Variants in STYXL1 observed in about 807,000 individuals in gnomAD.
STYXL1 encodes serine/threonine/tyrosine interacting like 1, also known as serine/threonine/tyrosine-interacting-like protein 1.
In STYXL1, 32 loss-of-function variants were observed where a neutral mutation model predicts 36.4. The observed-to-expected ratio is 0.88, with a 90% CI of 0.66 to 1.18. The LOEUF (loss-of-function observed/expected upper bound fraction) is 1.18. Ranked by LOEUF, STYXL1 falls within the 50% of genes most tolerant of loss-of-function variation. The probability of loss-of-function intolerance (pLI) is 0.00; values close to 1 mark genes in which losing one functional copy is unlikely to be tolerated. For synonymous variants in STYXL1, 133 were observed against 144.1 expected (o/e 0.92, Z 0.55); for missense variants, 354 against 394.1 (o/e 0.90, Z 0.86).
At chr7:76,004,798 G>A (rs1262940981) in intron 6 of STYXL1, among the ~76,000 whole-genome samples, 3 of 151,988 alleles carry the variant, frequency 2.0e-5, no homozygotes, top group African/African-American at 4.8e-5. Flanking sequence ...TCAGGTGATC[G>A]AGACCATCCT....
chr7:76,024,226 G>C (rs1055578759), intron 3 of STYXL1, among the ~76,000 whole-genome samples: 1 of 152,122 alleles, frequency 6.6e-6, no homozygotes, highest in Admixed American at 6.6e-5. Context: ...TTTGAGCAGA[G>C]AGAGGAGACG....
At chr7:76,021,333 G>A (rs868969703) in intron 4 of STYXL1, among the ~76,000 whole-genome samples, 8 of 151,920 alleles carry the variant, frequency 5.3e-5, no homozygotes, top group East Asian at 1.9e-4. Flanking sequence ...CGCCCGCCTC[G>A]GCCTCCCAAA....
At chr7:76,028,084 G>C (rs563052875) in intron 3 of STYXL1, among the ~76,000 whole-genome samples, 1 of 152,258 alleles carries the variant, frequency 6.6e-6, no homozygotes, top group East Asian at 1.9e-4. Context: ...GCCCAGGCTA[G>C]AGTACAGTGG....
chr7:76,010,765 T>A (rs1554571986), intron 5 of STYXL1, among the ~76,000 whole-genome samples: 1 of 151,928 alleles, frequency 6.6e-6, no homozygotes, highest in African/African-American at 2.4e-5. Flanking sequence ...CTAACCCCCA[T>A]CCCTCCCTAC....
chr7:76,028,957 C>G (rs148003391), intron 2 of STYXL1, among the ~76,000 whole-genome samples: 1 of 151,954 alleles, frequency 6.6e-6, no homozygotes, highest in Admixed American at 6.6e-5. Context: ...AATCCCATCT[C>G]TACTAAAAAT....
chr7:76,019,927 CAA>C lies in STYXL1; in HGVS notation c.307+1922_307+1923del, dbSNP rs58018497. Among the ~76,000 whole-genome samples, 657 of 82,256 alleles carry C rather than the reference CAA, an allele frequency of 8.0e-3. 4 individuals are homozygous for C. Among genetic ancestry groups the C allele is most frequent in the African/African-American group, 0.019 (548 of 28,328 alleles). 54.0% of individuals were successfully genotyped at this position (82,256 alleles called of 152,430 possible). On this transcript the variant is annotated intron_variant, in intron 4 of 8. Coordinates refer to ENST00000359697, the MANE Select transcript of STYXL1 (RefSeq NM_001317785.2). ...TGGGCAACAAAGCGAGACCCTGACT[CAA>C]AAAAAAAAAAAAAAAAAGAAAGAAG... is the stretch of plus-strand genomic sequence containing the variant.
At chr7:76,003,937 G>A in intron 6 of STYXL1, 82 bp from the exon 7 acceptor site, 1 of 1,272,184 alleles carries the variant, frequency 7.9e-7, no homozygotes, top group South Asian at 1.2e-5. Flanking sequence ...CACAGCAGAA[G>A]GGCCACAGGG....
chr7:76,035,958 G>A (rs879998203), intron 1 of STYXL1, among the ~76,000 whole-genome samples: 3 of 149,830 alleles, frequency 2.0e-5, no homozygotes, highest in South Asian at 2.2e-4. Context: ...GGATGAGATC[G>A]GTCCCTGAAC....
chr7:76,010,881 C>A (rs1382160415), intron 5 of STYXL1, among the ~76,000 whole-genome samples: 2 of 152,158 alleles, frequency 1.3e-5, no homozygotes, highest in South Asian at 2.1e-4. Flanking sequence ...CTAGCTTCTA[C>A]TAGACTGTCT....
intron 5 of STYXL1, among the ~76,000 whole-genome samples, chr7:76,012,373 T>C (rs548802969): frequency 6.6e-6 from 1 of 152,158 alleles, no homozygotes; most frequent in Admixed American, 6.6e-5. Context: ...CCTCCTGGGC[T>C]CAAGCAATCC....
rs781861859 is a variant in STYXL1, at chr7:76,003,858, A to G, written c.600-3T>C. The G allele has an allele frequency of 2.5e-6, 4 of 1,613,874 alleles. No individual in the cohort carries two copies. Among genetic ancestry groups the G allele is most frequent in the Non-Finnish European group, 3.4e-6 (4 of 1,179,916 alleles). On this transcript the variant is annotated splice_polypyrimidine_tract_variant and splice_region_variant and intron_variant, in intron 6 of 8. Transcript: ENST00000359697. ...GCTTGTCAGCATCGCCTGCAAAACT[A>G]CACGGAAGGACCACACAGGTCATCA...
chr7:75,996,548 C>A lies in STYXL1; in HGVS notation c.862G>T (p.Gly288Ter). The A allele has an allele frequency of 1.2e-6, 2 of 1,614,212 alleles. No individual in the cohort carries two copies. The highest frequency in any genetic ancestry group is 1.7e-6 in the Non-Finnish European group (2 of 1,180,042). ...KCKNNMCPNR[G>*]LVSQLLEWEK... ...CATTCCAGCAGCTGGCTCACCAATCCCCGATTTGGACACATGTTGTTTTTG... is the reference window on the plus strand; with the variant it reads ...CATTCCAGCAGCTGGCTCACCAATCACCGATTTGGACACATGTTGTTTTTG... The change falls in exon 9 of 9, where the codon GGA becomes TGA. Residue 288 changes from glycine (G) to a stop codon, truncating the protein, a stop_gained. Coordinates refer to ENST00000359697, the MANE Select transcript of STYXL1 (RefSeq NM_001317785.2). LOFTEE classifies it high-confidence loss of function.
chr7:76,000,926 T>A lies in STYXL1; in HGVS notation c.774A>T (p.Ile258=). ...GCTCGTTACTATGCATGAGGTAGGC[T>A]ATGATGGCGGCACAACTGCGGCTGA... ...QGISRSCAAI[I]AYLMHSNEQT... The change falls in exon 8 of 9, where the codon ATA becomes ATT. Residue 258 remains isoleucine, a synonymous_variant. Transcript: ENST00000359697. The A allele has an allele frequency of 6.2e-7, 1 of 1,614,152 alleles. No homozygotes were observed. The highest frequency in any genetic ancestry group is 1.1e-5 in the South Asian group (1 of 91,088).
chr7:76,005,071 GACGAGTTAATGGGTGCAGCAC>G (rs199718195), intron 6 of STYXL1, among the ~76,000 whole-genome samples, 167 bp downstream of exon 6: 2,286 of 152,074 alleles, frequency 0.015, 28 homozygotes, highest in Non-Finnish European at 0.025. Context: ...AATGCTAAAT[GACGAGTTAATGGGTGCAGCAC>G]ACCAACATGG....
intron 5 of STYXL1, among the ~76,000 whole-genome samples, chr7:76,011,876 A>G (rs951668326): frequency 6.6e-6 from 1 of 152,178 alleles, no homozygotes; most frequent in African/African-American, 2.4e-5. Context: ...TGCCTCCCCT[A>G]CAGACAGGAC....
At chr7:76,023,695 C>G (rs1456683018) in intron 3 of STYXL1, among the ~76,000 whole-genome samples, 1 of 151,938 alleles carries the variant, frequency 6.6e-6, no homozygotes, top group Non-Finnish European at 1.5e-5. Context: ...TCACTGCGCT[C>G]CAGCCTGGGT....
At position 76,031,092 on chromosome 7, in the gene STYXL1, C is replaced by T. The variant is rs940228280; in HGVS notation, c.-4-565G>A. Among the ~76,000 whole-genome samples, 4 of 151,314 alleles carry T rather than the reference C, an allele frequency of 2.6e-5. No individual in the cohort carries two copies. The East Asian group carries it at 7.8e-4, about 29-fold the overall frequency. On this transcript the variant is annotated intron_variant, in intron 1 of 8. Coordinates refer to ENST00000359697, the MANE Select transcript of STYXL1 (RefSeq NM_001317785.2). Reference sequence around the variant, plus strand: ...AGGAGAGTCGCTTGAACCCAGGAGGCGGAGGCTGCAGTGAGCTGAAATCAT... The same window carrying T: ...AGGAGAGTCGCTTGAACCCAGGAGGTGGAGGCTGCAGTGAGCTGAAATCAT...
At chr7:76,046,274 C>CTGTGTGTGTGTGTGTGTGTGTGTG (rs782245806) in intron 1 of STYXL1, among the ~76,000 whole-genome samples, 1 of 103,164 alleles carries the variant, frequency 9.7e-6, no homozygotes, top group African/African-American at 4.4e-5. Flanking sequence ...AGCTTATCTG[C>CTGTGTGTGTGTGTGTGTGTGTGTG]TGTGTGTGTG....
intron 4 of STYXL1, among the ~76,000 whole-genome samples, chr7:76,014,727 C>T (rs1460739232): frequency 3.3e-5 from 5 of 151,924 alleles, no homozygotes; most frequent in African/African-American, 1.2e-4. Flanking sequence ...TTTACAGAAA[C>T]TGCCAGCTCG....
Sources: gnomAD v4.1 joint callset for allele counts (sites outside exome capture counted in the v4.1 genomes callset) on GRCh38, gnomAD v4.1.1 for gene constraint, MANE v1.5 for transcripts, NCBI Gene and HGNC (gene_info 2026-07-23, HGNC 2026-07-21) for gene names.